The following GON4L variants were observed in gnomAD, a reference collection of about 807,000 sequenced individuals.
GON4L encodes the protein GON-4-like protein.
GON4L carries 87 observed loss-of-function variants against 211.8 expected under a neutral mutation model. The ratio of observed to expected loss-of-function variants is 0.41; its 90% CI spans 0.35 to 0.49. GON4L has a LOEUF of 0.49. Among genes scored for constraint, GON4L ranks in the 20% least tolerant of loss-of-function variants. The pLI, the probability that GON4L is intolerant of heterozygous loss-of-function variation, is 0.15. For synonymous variants in GON4L, 875 were observed against 962.6 expected (o/e 0.91, Z 1.68); for missense variants, 2,155 against 2,659.5 (o/e 0.81, Z 4.17).
At chr1:155,803,546 T>C (rs72706163) in intron 11 of GON4L, among the ~76,000 whole-genome samples, 12,073 of 152,260 alleles carry the variant, frequency 0.079, 634 homozygotes, top group Non-Finnish European at 0.12. Context: ...CCCAGCCTAC[T>C]TAGTCTGTTT....
At chr1:155,851,023 C>T (rs1671723192) in intron 2 of GON4L, among the ~76,000 whole-genome samples, 1 of 121,366 alleles carries the variant, frequency 8.2e-6, no homozygotes, top group East Asian at 2.6e-4. Context: ...CACTGCACTC[C>T]AGCCTGGCAA....
chr1:155,780,264 G>C (rs1375235446), intron 14 of GON4L, among the ~76,000 whole-genome samples: 1 of 152,084 alleles, frequency 6.6e-6, no homozygotes, highest in East Asian at 1.9e-4. Flanking sequence ...TGTTAAGAAA[G>C]CAAGCCTTGC....
chr1:155,790,126 G>A (rs1017417863), intron 12 of GON4L, among the ~76,000 whole-genome samples: 13 of 151,190 alleles, frequency 8.6e-5, no homozygotes, highest in Non-Finnish European at 1.6e-4. Context: ...TTGAGACAGC[G>A]TCTCACTCTG....
rs1349351398 is a variant in GON4L, at chr1:155,847,397, G to A, written c.505+5879C>T. Among the ~76,000 whole-genome samples the A allele has an allele frequency of 1.5e-4, 23 of 151,932 alleles. 1 individual carries two copies. Among genetic ancestry groups the A allele is most frequent in the Admixed American group, 1.4e-3 (21 of 15,232 alleles). On this transcript the variant is annotated intron_variant, in intron 2 of 31. Coordinates refer to ENST00000368331, the MANE Select transcript of GON4L (RefSeq NM_001282860.2). ...CCAGCCTGGCCAACATGGCAAAAAC[G>A]CATCTCAATTAAAAATACAAAAAAA...
chr1:155,819,134 T>C (rs1668515469), intron 6 of GON4L, among the ~76,000 whole-genome samples: 1 of 149,674 alleles, frequency 6.7e-6, no homozygotes. Flanking sequence ...CTAATAAAAA[T>C]TTTAAAAAAT....
At chr1:155,854,833 C>G (rs1219854010) in intron 1 of GON4L, among the ~76,000 whole-genome samples, 1 of 151,968 alleles carries the variant, frequency 6.6e-6, no homozygotes, top group Non-Finnish European at 1.5e-5. Context: ...GTCAGGAGTT[C>G]GAGACCAGCC....
intron 20 of GON4L, chr1:155,767,013 G>C (rs1366755802): frequency 7.3e-6 from 4 of 549,002 alleles, no homozygotes; most frequent in Non-Finnish European, 1.3e-5. Context: ...ACCTTAGCCT[G>C]GGTGGACAGA....
intron 11 of GON4L, among the ~76,000 whole-genome samples, chr1:155,802,582 C>CAGCATTTATGCCA (rs2102058392): frequency 1.3e-5 from 2 of 152,208 alleles, no homozygotes; most frequent in South Asian, 4.2e-4. Context: ...CAAAAGTTAC[C>CAGCATTTATGCCA]CTGTCCTCTT....
At chr1:155,794,926 G>A (rs917679082) in intron 12 of GON4L, 124 bp downstream of exon 12, 1 of 708,298 alleles carries the variant, frequency 1.4e-6, no homozygotes, top group East Asian at 2.6e-5. Context: ...TCAATAAATG[G>A]GTAAAGGAAA....
chr1:155,788,218 C>T (rs947404001), intron 12 of GON4L, among the ~76,000 whole-genome samples: 10 of 151,944 alleles, frequency 6.6e-5, no homozygotes, highest in Admixed American at 2.6e-4. Flanking sequence ...GTCTTGAACT[C>T]CTGACCTCAA....
At chr1:155,763,853 A>G (rs1662105712) in intron 21 of GON4L, among the ~76,000 whole-genome samples, 1 of 152,014 alleles carries the variant, frequency 6.6e-6, no homozygotes, top group Non-Finnish European at 1.5e-5. Flanking sequence ...AAATACAGAA[A>G]TTAGTCAGGC....
At chr1:155,840,967 G>A (rs549592981) in intron 2 of GON4L, among the ~76,000 whole-genome samples, 4 of 152,246 alleles carry the variant, frequency 2.6e-5, no homozygotes, top group South Asian at 2.1e-4. Context: ...CCCGGGAGGC[G>A]GAGGTTGCGG....
At position 155,850,823 on chromosome 1, in the gene GON4L, G is replaced by A. The variant is rs187212044; in HGVS notation, c.505+2453C>T. ...CCTAGCACTTTGGGAGGCCGAGGTCGGTGGATCACGAGGTCAGGAGTTCGA... is the reference window on the plus strand; with the variant it reads ...CCTAGCACTTTGGGAGGCCGAGGTCAGTGGATCACGAGGTCAGGAGTTCGA... On this transcript the variant is annotated intron_variant, in intron 2 of 31. Transcript: ENST00000368331. Among the ~76,000 whole-genome samples, 368 of 151,898 alleles carry A rather than the reference G, an allele frequency of 2.4e-3. 2 individuals carry two copies. Among genetic ancestry groups the A allele is most frequent in the Non-Finnish European group, 3.8e-3 (260 of 67,956 alleles).
At chr1:155,792,211 G>A (rs373045080) in intron 12 of GON4L, among the ~76,000 whole-genome samples, 141 of 152,204 alleles carry the variant, frequency 9.3e-4, no homozygotes, top group African/African-American at 3.2e-3. Context: ...ACCACATGGA[G>A]CTTTTCAAAC....
chr1:155,808,641 G>GT (rs1667393113), intron 10 of GON4L, among the ~76,000 whole-genome samples: 1 of 151,402 alleles, frequency 6.6e-6, no homozygotes, highest in Non-Finnish European at 1.5e-5. Flanking sequence ...TTTGTTTTTT[G>GT]TTTTTTTGAC....
intron 14 of GON4L, among the ~76,000 whole-genome samples, chr1:155,780,178 C>T (rs1029473553): frequency 6.6e-5 from 10 of 152,214 alleles, no homozygotes; most frequent in African/African-American, 2.2e-4. Context: ...CCACTCAGTT[C>T]TGTTCAGGTA....
intron 2 of GON4L, among the ~76,000 whole-genome samples, chr1:155,849,761 G>C (rs375052449): frequency 1.0e-5 from 1 of 98,226 alleles, no homozygotes; most frequent in African/African-American, 4.2e-5. Flanking sequence ...GCAACAGAAC[G>C]AGACTCCGTC....
At chr1:155,751,561 A>C (rs1660587719) in intron 31 of GON4L, among the ~76,000 whole-genome samples, 1 of 152,112 alleles carries the variant, frequency 6.6e-6, no homozygotes, top group South Asian at 2.1e-4. Context: ...TACATAAATA[A>C]ATAAAAATTT....
chr1:155,798,045 C>A (rs1666249484), intron 11 of GON4L, among the ~76,000 whole-genome samples: 1 of 151,072 alleles, frequency 6.6e-6, no homozygotes, highest in African/African-American at 2.4e-5. Flanking sequence ...CACGCCACTG[C>A]ACTCCAGCGA....
Sources: allele counts gnomAD v4.1 joint callset (sites outside exome capture counted in the v4.1 genomes callset), GRCh38; gene constraint gnomAD v4.1.1; transcripts MANE v1.5; gene names NCBI Gene and HGNC (gene_info 2026-07-23, HGNC 2026-07-21).